The following SRGAP1 variants were observed in gnomAD, a reference collection of about 807,000 sequenced individuals.
SRGAP1 encodes the protein SLIT-ROBO Rho GTPase-activating protein 1.
Under a neutral mutation model 121.9 loss-of-function variants are expected in SRGAP1, and 43 were observed. That is an observed-to-expected ratio of 0.35 (90% CI 0.28 to 0.46). The LOEUF (loss-of-function observed/expected upper bound fraction) is 0.46, where lower values mean the gene tolerates loss of function less well. Among genes scored for constraint, SRGAP1 ranks in the 20% least tolerant of loss-of-function variants. SRGAP1 has a pLI of 1.00. For missense variants in SRGAP1, 1,102 were observed against 1,350.9 expected (o/e 0.82, Z 2.89); for synonymous variants, 447 against 485.4 (o/e 0.92, Z 1.04).
intron 3 of SRGAP1, among the ~76,000 whole-genome samples, chr12:63,994,450 GT>G (rs997831866): frequency 6.6e-6 from 1 of 152,134 alleles, no homozygotes; most frequent in African/African-American, 2.4e-5. Flanking sequence ...TAAATTAAGA[GT>G]TTTGTCCTCA....
chr12:64,128,085 G>A lies in SRGAP1; in HGVS notation c.2765G>A (p.Ser922Asn). ...GGCCATGGCAGCCTGACCAACATCA[G>A]CCGGCACGACTCCCTCAAGAAGATC... is the stretch of plus-strand genomic sequence containing the variant. ...RPGHGSLTNI[S>N]RHDSLKKIDS... The change falls in exon 21 of 22, where the codon AGC becomes AAC. Residue 922 changes from serine (S) to asparagine (N), a missense_variant. Ser to Asn is a conservative substitution (Grantham distance 46). Coordinates refer to ENST00000355086, the MANE Select transcript of SRGAP1 (RefSeq NM_020762.4). 6.2e-7 allele frequency: 1 copy of A among 1,614,150 alleles called. No homozygotes were observed. Among genetic ancestry groups the A allele is most frequent in the Non-Finnish European group, 8.5e-7 (1 of 1,180,032 alleles).
At chr12:64,121,200 A>G (rs1369946854) in intron 18 of SRGAP1, among the ~76,000 whole-genome samples, 1 of 151,538 alleles carries the variant, frequency 6.6e-6, no homozygotes, top group East Asian at 2.0e-4. Context: ...TTTTGTAGAG[A>G]CAGGGTTTCC....
chr12:63,884,090 C>T lies in SRGAP1; in HGVS notation c.67+39207C>T, dbSNP rs190559219. On this transcript the variant is annotated intron_variant, in intron 1 of 21. Transcript: ENST00000355086. ...TTGAGGTCAGGAGTTTGAGACCAGC[C>T]GGGCCAACATGGTGAAACCCCGTCT... 6.4e-3 allele frequency among the ~76,000 whole-genome samples: 972 copies of T among 151,360 alleles called. 6 individuals carry two copies. Among genetic ancestry groups the T allele is most frequent in the African/African-American group, 0.021 (858 of 41,358 alleles).
intron 1 of SRGAP1, among the ~76,000 whole-genome samples, chr12:63,915,077 A>G (rs1433857044): frequency 6.6e-6 from 1 of 152,210 alleles, no homozygotes; most frequent in African/African-American, 2.4e-5. Flanking sequence ...TAATTTAGAT[A>G]TTTGAAATGT....
intron 1 of SRGAP1, 27 bp from the exon 2 acceptor site, chr12:63,983,920 A>G: frequency 1.5e-6 from 2 of 1,339,396 alleles, no homozygotes; most frequent in Non-Finnish European, 2.0e-6. Context: ...TAATGTAACC[A>G]TCCATTGGCT....
intron 1 of SRGAP1, among the ~76,000 whole-genome samples, chr12:63,919,499 C>CATACATATATATAT (rs1287621628): frequency 5.2e-5 from 7 of 134,200 alleles, no homozygotes; most frequent in African/African-American, 2.1e-4. Flanking sequence ...CTTAACATTA[C>CATACATATATATAT]ATATATATAT....
At chr12:63,940,442 C>G (rs1465408067) in intron 1 of SRGAP1, among the ~76,000 whole-genome samples, 1 of 147,160 alleles carries the variant, frequency 6.8e-6, no homozygotes, top group Non-Finnish European at 1.5e-5. Flanking sequence ...TAGCTATGAT[C>G]AAGGAGTGTT....
chr12:64,100,082 A>T (rs182373445), intron 15 of SRGAP1, among the ~76,000 whole-genome samples: 3 of 152,322 alleles, frequency 2.0e-5, no homozygotes, highest in Middle Eastern at 3.4e-3. Flanking sequence ...CAGTCCATGT[A>T]AAGGGTTTCA....
chr12:63,853,065 G>A (rs942519529), intron 1 of SRGAP1, among the ~76,000 whole-genome samples: 1 of 151,444 alleles, frequency 6.6e-6, no homozygotes, highest in South Asian at 2.1e-4. Flanking sequence ...TGTTGCCCAG[G>A]CTGGAGTGCA....
chr12:63,893,721 C>T (rs149309261), intron 1 of SRGAP1, among the ~76,000 whole-genome samples: 3 of 152,228 alleles, frequency 2.0e-5, no homozygotes, highest in Non-Finnish European at 4.4e-5. Context: ...TTTACTTTTA[C>T]TAGATCTGAA....
intron 1 of SRGAP1, among the ~76,000 whole-genome samples, chr12:63,975,539 T>C (rs912622677): frequency 2.0e-4 from 31 of 152,298 alleles, no homozygotes; most frequent in Admixed American, 7.8e-4. Flanking sequence ...ATCCAAAATT[T>C]TATGATTGTA....
intron 1 of SRGAP1, among the ~76,000 whole-genome samples, chr12:63,895,489 C>A (rs1243132962): frequency 6.6e-6 from 1 of 152,204 alleles, no homozygotes; most frequent in Non-Finnish European, 1.5e-5. Context: ...AGATATATAA[C>A]ATTGCCATCA....
intron 21 of SRGAP1, among the ~76,000 whole-genome samples, chr12:64,141,634 A>AT (rs2036965268): frequency 6.6e-6 from 1 of 152,108 alleles, no homozygotes. Flanking sequence ...AACTTTTATC[A>AT]TAAGTTGAAA....
chr12:63,912,943 ATTT>A (rs2136318403), intron 1 of SRGAP1, among the ~76,000 whole-genome samples: 1 of 152,224 alleles, frequency 6.6e-6, no homozygotes, highest in South Asian at 2.1e-4. Flanking sequence ...TTACAACAAC[ATTT>A]TAAATACCCA....
intron 1 of SRGAP1, among the ~76,000 whole-genome samples, chr12:63,975,585 C>T (rs921235406): frequency 4.7e-4 from 71 of 151,772 alleles, no homozygotes; most frequent in African/African-American, 1.4e-3. Context: ...AGACATTTTA[C>T]GTTCTTTTTT....
At chr12:63,868,050 A>T (rs1176134506) in intron 1 of SRGAP1, among the ~76,000 whole-genome samples, 13 of 28,172 alleles carry the variant, frequency 4.6e-4, no homozygotes, top group Non-Finnish European at 7.7e-4. Context: ...ATATATATAT[A>T]TATATATTTT....
At chr12:63,884,516 T>C (rs1900305885) in intron 1 of SRGAP1, among the ~76,000 whole-genome samples, 1 of 152,124 alleles carries the variant, frequency 6.6e-6, no homozygotes, top group African/African-American at 2.4e-5. Flanking sequence ...ACCTTATGTA[T>C]TTATTGTTTC....
chr12:64,132,067 C>T (rs941101537), intron 21 of SRGAP1, among the ~76,000 whole-genome samples: 8 of 152,092 alleles, frequency 5.3e-5, no homozygotes, highest in African/African-American at 1.7e-4. Context: ...CCCAACTACT[C>T]GGGAGGTTGA....
intron 4 of SRGAP1, among the ~76,000 whole-genome samples, chr12:64,030,537 T>C (rs1259122681): frequency 3.3e-5 from 5 of 152,240 alleles, no homozygotes; most frequent in African/African-American, 1.2e-4. Context: ...CAAAATCTTA[T>C]GAAACTAATT....
Sources: allele counts gnomAD v4.1 joint callset (sites outside exome capture counted in the v4.1 genomes callset), GRCh38; gene constraint gnomAD v4.1.1; transcripts MANE v1.5; gene names NCBI Gene and HGNC (gene_info 2026-07-23, HGNC 2026-07-21).